FAM135B: variants seen among roughly 807,000 people sequenced by gnomAD.
The protein encoded by FAM135B is protein FAM135B.
In FAM135B, 43 loss-of-function variants were observed where a neutral mutation model predicts 127.7. The observed-to-expected ratio is 0.34, with a 90% CI of 0.26 to 0.43. The LOEUF (loss-of-function observed/expected upper bound fraction) is 0.43. Among genes scored for constraint, FAM135B ranks in the 20% least tolerant of loss-of-function variants. The pLI, the probability that FAM135B is intolerant of heterozygous loss-of-function variation, is 1.00. For synonymous variants in FAM135B, 670 were observed against 665.1 expected (o/e 1.01, Z -0.11); for missense variants, 1,558 against 1,725.6 (o/e 0.90, Z 1.72).
intron 1 of FAM135B, among the ~76,000 whole-genome samples, chr8:138,417,266 C>T (rs575608007): frequency 5.3e-4 from 80 of 152,312 alleles, no homozygotes; most frequent in Non-Finnish European, 1.0e-3. Context: ...TGCCTGACTG[C>T]ACCTAGTTGC....
intron 1 of FAM135B, among the ~76,000 whole-genome samples, chr8:138,445,910 A>ATG (rs1564008988): frequency 1.3e-5 from 2 of 152,144 alleles, no homozygotes; most frequent in Non-Finnish European, 2.9e-5. Context: ...AAACCCCATC[A>ATG]TCTCAGCCCA....
chr8:138,240,461 G>C (rs144524549), intron 7 of FAM135B, among the ~76,000 whole-genome samples: 1 of 152,180 alleles, frequency 6.6e-6, no homozygotes, highest in Non-Finnish European at 1.5e-5. Flanking sequence ...GGCTCCTGCC[G>C]TGTGAAGCAA....
intron 9 of FAM135B, among the ~76,000 whole-genome samples, chr8:138,181,844 C>G (rs4598297): frequency 6.6e-6 from 1 of 151,954 alleles, no homozygotes. Flanking sequence ...TTGACCTGCA[C>G]GGGCACCACT....
At chr8:138,436,684 G>T (rs1835474893) in intron 1 of FAM135B, among the ~76,000 whole-genome samples, 1 of 152,214 alleles carries the variant, frequency 6.6e-6, no homozygotes, top group African/African-American at 2.4e-5. Context: ...TAGCCATCAA[G>T]TCTGATTAGA....
intron 3 of FAM135B, among the ~76,000 whole-genome samples, chr8:138,285,980 G>A (rs970242633): frequency 3.3e-5 from 5 of 152,156 alleles, no homozygotes; most frequent in African/African-American, 9.7e-5. Context: ...CTAGAGTTAT[G>A]GCAGTGAAGA....
intron 17 of FAM135B, among the ~76,000 whole-genome samples, chr8:138,140,649 ACACATATG>A (rs60578874): frequency 0.57 from 85,722 of 151,154 alleles, 25,169 homozygotes; most frequent in Non-Finnish European, 0.64. Flanking sequence ...ATTCTATGAT[ACACATATG>A]CACATATGCA....
At chr8:138,246,032 C>G (rs1199066322) in intron 6 of FAM135B, among the ~76,000 whole-genome samples, 1 of 152,178 alleles carries the variant, frequency 6.6e-6, no homozygotes, top group African/African-American at 2.4e-5. Context: ...CATTTTGCCC[C>G]TTCCCTAGAG....
chr8:138,449,472 G>T (rs990824677), intron 1 of FAM135B, among the ~76,000 whole-genome samples: 3 of 151,990 alleles, frequency 2.0e-5, no homozygotes, highest in South Asian at 4.2e-4. Context: ...CGTGGGGAGG[G>T]GGGCAGTAGT....
chr8:138,425,964 CATATATATATATATATAT>C lies in FAM135B; in HGVS notation c.-19-57980_-19-57963del, dbSNP rs11271386. ...AGGAGTTCGAGACCAGCCAGGCCAA[CATATATATATATATATAT>C]ATATATATATATATATATATATATA... On this transcript the variant is annotated intron_variant, in intron 1 of 19. Transcript: ENST00000395297. Among the ~76,000 whole-genome samples, 161 of 110,004 alleles carry C rather than the reference CATATATATATATATATAT, an allele frequency of 1.5e-3. 4 individuals are homozygous for C. The highest frequency in any genetic ancestry group is 4.5e-3 in the Middle Eastern group (1 of 224). 72.2% of individuals were successfully genotyped at this position (110,004 alleles called of 152,430 possible).
At chr8:138,434,670 G>A (rs1038255219) in intron 1 of FAM135B, among the ~76,000 whole-genome samples, 7 of 152,120 alleles carry the variant, frequency 4.6e-5, no homozygotes, top group Admixed American at 1.3e-4. Flanking sequence ...TTCCCAAGAC[G>A]GCCTTGTCAT....
intron 19 of FAM135B, among the ~76,000 whole-genome samples, chr8:138,136,600 A>G (rs574751778): frequency 3.9e-5 from 6 of 152,312 alleles, no homozygotes; most frequent in Admixed American, 3.9e-4. Context: ...TTAAAAAAAA[A>G]CAATTAAACA....
chr8:138,458,941 C>A lies in FAM135B; in HGVS notation c.-20+37730G>T, dbSNP rs1038532698. Among the ~76,000 whole-genome samples the A allele has an allele frequency of 9.9e-5, 15 of 152,074 alleles. No individual in the cohort carries two copies. In the South Asian group the frequency reaches 2.7e-3, roughly 27 times the overall value. The stretch of plus-strand genomic sequence containing the variant: ...TGGGATTTCTGACTTGTGAAATTGC[C>A]GGCATGTACTGGTGGCCACACAGTA... On this transcript the variant is annotated intron_variant, in intron 1 of 19. Coordinates refer to ENST00000395297, the MANE Select transcript of FAM135B (RefSeq NM_015912.4).
intron 1 of FAM135B, chr8:138,440,097 G>C (rs1281874664): frequency 6.6e-6 from 1 of 152,200 alleles, no homozygotes; most frequent in Non-Finnish European, 1.5e-5. Context: ...GTGAGAACTT[G>C]ACAAGCTCAC....
intron 2 of FAM135B, among the ~76,000 whole-genome samples, chr8:138,340,682 G>A (rs1330172924): frequency 2.0e-5 from 3 of 152,020 alleles, no homozygotes; most frequent in Admixed American, 6.6e-5. Flanking sequence ...AGGGTTCCTC[G>A]TGGTCCAGCT....
chr8:138,308,029 G>T (rs531402786), intron 3 of FAM135B, among the ~76,000 whole-genome samples: 2 of 152,252 alleles, frequency 1.3e-5, no homozygotes, highest in South Asian at 4.2e-4. Context: ...AATGAACGGC[G>T]AGAGTCTATT....
chr8:138,212,478 C>A (rs866942879), intron 7 of FAM135B, among the ~76,000 whole-genome samples: 3 of 152,334 alleles, frequency 2.0e-5, no homozygotes, highest in Admixed American at 6.5e-5. Flanking sequence ...TGCAGTCTCA[C>A]AAACACAGCT....
At chr8:138,280,589 T>C (rs1824189690) in intron 3 of FAM135B, among the ~76,000 whole-genome samples, 1 of 152,160 alleles carries the variant, frequency 6.6e-6, no homozygotes, top group Admixed American at 6.5e-5. Flanking sequence ...ATGAGTTCCT[T>C]AGAGTTCAGT....
At position 138,331,529 on chromosome 8, in the gene FAM135B, G is replaced by A. The variant is rs80116648; in HGVS notation, c.78-20609C>T. Among the ~76,000 whole-genome samples the A allele has an allele frequency of 5.8e-3, 888 of 152,228 alleles. 6 individuals carry two copies. Among genetic ancestry groups the A allele is most frequent in the African/African-American group, 0.02 (832 of 41,544 alleles). Reference sequence around the variant, plus strand: ...CTCCAAGCCGTACAGTAAAACAGTGGTGAGGCTGGGTTTAAAACTAAGGTC... The same window carrying A: ...CTCCAAGCCGTACAGTAAAACAGTGATGAGGCTGGGTTTAAAACTAAGGTC... On this transcript the variant is annotated intron_variant, in intron 2 of 19. Transcript: ENST00000395297.
chr8:138,389,645 G>C (rs909689191), intron 1 of FAM135B, among the ~76,000 whole-genome samples: 1 of 152,188 alleles, frequency 6.6e-6, no homozygotes, highest in Non-Finnish European at 1.5e-5. Context: ...AGAGCAGACA[G>C]GGGCTAGGGG....
Sources: gnomAD v4.1 joint callset for allele counts (sites outside exome capture counted in the v4.1 genomes callset) on GRCh38, gnomAD v4.1.1 for gene constraint, MANE v1.5 for transcripts, NCBI Gene and HGNC (gene_info 2026-07-23, HGNC 2026-07-21) for gene names.